FRMD3: variants seen among roughly 807,000 people sequenced by gnomAD.
FRMD3 encodes the protein FERM domain-containing protein 3.
Under a neutral mutation model 70.2 loss-of-function variants are expected in FRMD3, and 33 were observed. The ratio of observed to expected loss-of-function variants is 0.47; its 90% confidence interval spans 0.36 to 0.63. The LOEUF (loss-of-function observed/expected upper bound fraction) is 0.63, where lower values mean the gene tolerates loss of function less well. FRMD3 is among the 20% of genes least tolerant of loss of function. FRMD3 has a pLI of 0.00. For missense variants in FRMD3, 632 were observed against 711.4 expected (o/e 0.89, Z 1.27); for synonymous variants, 279 against 255.9 (o/e 1.09, Z -0.86).
At chr9:83,354,895 T>C (rs1205166481) in intron 3 of FRMD3, among the ~76,000 whole-genome samples, 2 of 152,082 alleles carry the variant, frequency 1.3e-5, no homozygotes, top group East Asian at 3.9e-4. Flanking sequence ...TGAAAAAAAA[T>C]AAAACACTCA....
chr9:83,468,947 G>C (rs1024371613), intron 1 of FRMD3, among the ~76,000 whole-genome samples: 9 of 152,158 alleles, frequency 5.9e-5, no homozygotes, highest in Non-Finnish European at 1.2e-4. Flanking sequence ...TTGAAACCCA[G>C]ACAGTATCAT....
chr9:83,533,777 C>A (rs11140142), intron 1 of FRMD3, among the ~76,000 whole-genome samples: 1 of 152,080 alleles, frequency 6.6e-6, no homozygotes, highest in African/African-American at 2.4e-5. Flanking sequence ...CAATCTACAT[C>A]GATATTTATT....
chr9:83,415,215 G>C (rs185443453), intron 1 of FRMD3, among the ~76,000 whole-genome samples: 3 of 152,102 alleles, frequency 2.0e-5, no homozygotes, highest in African/African-American at 7.2e-5. Context: ...TTCCATTGTT[G>C]AACCCGACTG....
chr9:83,315,905 C>T (rs755111769), intron 6 of FRMD3, among the ~76,000 whole-genome samples: 67 of 152,132 alleles, frequency 4.4e-4, no homozygotes, highest in Non-Finnish European at 4.0e-4. Context: ...AATGTAGTTG[C>T]CCACTCACTG....
chr9:83,525,825 C>T (rs961033956), intron 1 of FRMD3, among the ~76,000 whole-genome samples: 3 of 152,146 alleles, frequency 2.0e-5, no homozygotes, highest in South Asian at 2.1e-4. Flanking sequence ...AAAGGAAAAA[C>T]GATCAAGTAC....
intron 13 of FRMD3, among the ~76,000 whole-genome samples, chr9:83,267,499 T>C (rs1387659118): frequency 1.3e-5 from 2 of 152,148 alleles, no homozygotes; most frequent in Non-Finnish European, 2.9e-5. Flanking sequence ...GATAATTCCA[T>C]AATGGAGAAA....
chr9:83,499,634 A>T (rs1487524446), intron 1 of FRMD3, among the ~76,000 whole-genome samples: 1 of 152,184 alleles, frequency 6.6e-6, no homozygotes, highest in Non-Finnish European at 1.5e-5. Flanking sequence ...CAGAATGCTG[A>T]CGCCACCAAA....
At chr9:83,572,088 A>G in the FRMD3 span, among the ~76,000 whole-genome samples, 1 of 152,154 alleles carries the variant, frequency 6.6e-6, no homozygotes, top group South Asian at 2.1e-4. Flanking sequence ...AGACTCACAG[A>G]ATTTTGCTTG....
chr9:83,499,636 G>A lies in FRMD3; in HGVS notation c.147+38449C>T, dbSNP rs556723913. ...TTTGTCTAAAACCCAGAATGCTGAC[G>A]CCACCAAATTCTGGTGAGGATCTGG... On this transcript the variant is annotated intron_variant, in intron 1 of 13. Transcript: ENST00000304195. 5.3e-5 allele frequency among the ~76,000 whole-genome samples: 8 copies of A among 152,218 alleles called. No individual in the cohort carries two copies. The South Asian group carries it at 1.5e-3, about 28-fold the overall frequency.
At chr9:83,336,355 C>T (rs1237180857) in intron 5 of FRMD3, among the ~76,000 whole-genome samples, 1 of 150,928 alleles carries the variant, frequency 6.6e-6, no homozygotes, top group African/African-American at 2.4e-5. Flanking sequence ...AAATTTAATG[C>T]CCCCGCCCCA....
chr9:83,530,600 A>AATTGTATACCTTAAGTGGGCGTACT (rs1359251567), intron 1 of FRMD3, among the ~76,000 whole-genome samples: 4 of 152,344 alleles, frequency 2.6e-5, no homozygotes, highest in Non-Finnish European at 4.4e-5. Flanking sequence ...ATATATTAAA[A>AATTGTATACCTTAAGTGGGCGTACT]ATTGTATACC....
At chr9:83,262,816 C>G (rs568106545) in intron 13 of FRMD3, among the ~76,000 whole-genome samples, 3 of 152,286 alleles carry the variant, frequency 2.0e-5, no homozygotes, top group East Asian at 3.9e-4. Context: ...TCCTATCCCC[C>G]ACTCCCGGAC....
intron 13 of FRMD3, among the ~76,000 whole-genome samples, chr9:83,281,022 A>G (rs1184926453): frequency 6.6e-6 from 1 of 152,160 alleles, no homozygotes; most frequent in Non-Finnish European, 1.5e-5. Context: ...GATCTATTAT[A>G]AAGAGCCCAC....
At chr9:83,405,170 T>C (rs1826063977) in intron 1 of FRMD3, among the ~76,000 whole-genome samples, 1 of 152,192 alleles carries the variant, frequency 6.6e-6, no homozygotes, top group South Asian at 2.1e-4. Flanking sequence ...CACAAGTGCA[T>C]GGTAGAGTCC....
chr9:83,273,885 A>G (rs1184382898), intron 13 of FRMD3, among the ~76,000 whole-genome samples: 1 of 152,142 alleles, frequency 6.6e-6, no homozygotes, highest in Non-Finnish European at 1.5e-5. Flanking sequence ...GCCCATCCAT[A>G]GCTCACTGCA....
chr9:83,249,705 C>T (rs1469126382), intron 13 of FRMD3, among the ~76,000 whole-genome samples: 1 of 152,156 alleles, frequency 6.6e-6, no homozygotes, highest in African/African-American at 2.4e-5. Flanking sequence ...GTATGCTGAA[C>T]ATCATTAATC....
At chr9:83,563,964 C>T in the FRMD3 span, among the ~76,000 whole-genome samples, 1 of 152,136 alleles carries the variant, frequency 6.6e-6, no homozygotes, top group Non-Finnish European at 1.5e-5. Flanking sequence ...GTATTCTTAC[C>T]TTACAGTGCC....
intron 1 of FRMD3, among the ~76,000 whole-genome samples, chr9:83,404,496 G>A (rs548445894): frequency 6.6e-5 from 10 of 152,270 alleles, no homozygotes; most frequent in African/African-American, 2.2e-4. Flanking sequence ...TCATGGCAGA[G>A]CCTGATGGAA....
At chr9:83,475,308 G>A (rs1434221402) in intron 1 of FRMD3, among the ~76,000 whole-genome samples, 3 of 151,986 alleles carry the variant, frequency 2.0e-5, no homozygotes, top group Admixed American at 6.6e-5. Context: ...ATATGAGTCA[G>A]ATGGAAATTC....
Sources: gnomAD v4.1 joint callset for allele counts (sites outside exome capture counted in the v4.1 genomes callset) on GRCh38, gnomAD v4.1.1 for gene constraint, MANE v1.5 for transcripts, NCBI Gene and HGNC (gene_info 2026-07-23, HGNC 2026-07-21) for gene names.